Variants in SLC6A4 observed in about 807,000 individuals in gnomAD.
SLC6A4 encodes sodium-dependent serotonin transporter.
A neutral mutation model predicts 73.4 loss-of-function variants in SLC6A4; 22 were observed. The ratio of observed to expected loss-of-function variants is 0.30; its 90% confidence interval spans 0.21 to 0.43. The LOEUF (loss-of-function observed/expected upper bound fraction) is 0.43, where lower values mean the gene tolerates loss of function less well. Ranked by LOEUF, SLC6A4 falls within the 20% of genes least tolerant of loss-of-function variation. SLC6A4 has a pLI of 1.00. For synonymous variants in SLC6A4, 270 were observed against 315.5 expected (o/e 0.86, Z 1.53); for missense variants, 593 against 808.5 (o/e 0.73, Z 3.23).
chr17:30,217,799 C>T (rs1041765356), intron 5 of SLC6A4, among the ~76,000 whole-genome samples: 2 of 152,216 alleles, frequency 1.3e-5, no homozygotes, highest in African/African-American at 2.4e-5. Flanking sequence ...TAGGATGCTT[C>T]GCCTCCATGA....
At chr17:30,230,045 A>AAAGAAGAAG (rs1189804200) in intron 1 of SLC6A4, among the ~76,000 whole-genome samples, 7,184 of 111,024 alleles carry the variant, frequency 0.065, 367 homozygotes, top group East Asian at 0.13. Flanking sequence ...GAAAAAGAAG[A>AAAGAAGAAG]AAGAAGAAGA....
intron 3 of SLC6A4, among the ~76,000 whole-genome samples, 174 bp downstream of exon 3, chr17:30,221,442 A>AC (rs1906749743): frequency 7.2e-6 from 1 of 139,548 alleles, no homozygotes; most frequent in African/African-American, 2.6e-5. Context: ...GTCACAGCCC[A>AC]CCCGGGTCAC....
At chr17:30,207,889 G>C in intron 12 of SLC6A4, 57 bp from the exon 13 acceptor site, 1 of 1,263,468 alleles carries the variant, frequency 7.9e-7, no homozygotes, top group Non-Finnish European at 1.1e-6. Context: ...GGGCTGTGCT[G>C]CTGTGCCCTG....
At chr17:30,206,241 C>CAAAAAAAAAAAAAAA (rs5819882) in intron 13 of SLC6A4, 2 of 106,564 alleles carry the variant, frequency 1.9e-5, no homozygotes, top group Non-Finnish European at 4.0e-5. Context: ...CTCTAAAAGA[C>CAAAAAAAAAAAAAAA]AAAAAAAAAA....
Position 30,230,285 on chromosome 17 carries a change from G to A in SLC6A4, c.-221+5328C>T, listed in dbSNP as rs146010398. On this transcript the variant is annotated intron_variant, in intron 1 of 14. Coordinates refer to ENST00000650711, the MANE Select transcript of SLC6A4 (RefSeq NM_001045.6). Reference sequence around the variant, plus strand: ...AGTATATTTAAATGTGGACGAGGCTGGGAAAGAGACTTGAGAAACTCAAAA... The same window carrying A: ...AGTATATTTAAATGTGGACGAGGCTAGGAAAGAGACTTGAGAAACTCAAAA... Among the ~76,000 whole-genome samples, 15 of 152,320 alleles carry A rather than the reference G, an allele frequency of 9.8e-5. No homozygotes were observed. In the East Asian group the frequency reaches 2.9e-3, roughly 29 times the overall value.
chr17:30,208,238 A>G (rs1906269207), intron 12 of SLC6A4, among the ~76,000 whole-genome samples: 1 of 152,136 alleles, frequency 6.6e-6, no homozygotes, highest in Non-Finnish European at 1.5e-5. Flanking sequence ...ATCTGATTTC[A>G]TTGTTATTAT....
At chr17:30,218,695 A>C in intron 4 of SLC6A4, 102 bp downstream of exon 4, 3 of 1,254,220 alleles carry the variant, frequency 2.4e-6, no homozygotes, top group Non-Finnish European at 3.4e-6. Context: ...GGGATGCCTA[A>C]GGCCTGACTG....
chr17:30,220,326 T>C (rs925568604), intron 3 of SLC6A4, among the ~76,000 whole-genome samples: 7 of 152,172 alleles, frequency 4.6e-5, no homozygotes, highest in Non-Finnish European at 7.3e-5. Flanking sequence ...CTTGTGCTGA[T>C]AACAAGTCCA....
At chr17:30,203,431 CTAAGA>C in intron 13 of SLC6A4, 92 bp from the exon 14 acceptor site, 1 of 1,085,290 alleles carries the variant, frequency 9.2e-7, no homozygotes, top group Non-Finnish European at 1.4e-6. Context: ...AATGCTAAAG[CTAAGA>C]TACTTTCAGG....
At chr17:30,219,102 T>TC (rs1906671265) in intron 3 of SLC6A4, among the ~76,000 whole-genome samples, 171 bp from the exon 4 acceptor site, 2 of 152,194 alleles carry the variant, frequency 1.3e-5, no homozygotes, top group South Asian at 4.2e-4. Flanking sequence ...CTAGAAGCAG[T>TC]CGTAGGGGGA....
rs1905794322 is a variant in SLC6A4 at position 30,194,567 on chromosome 17, C to G, written c.*3889G>C. 1 of 152,036 alleles carries G rather than the reference C, an allele frequency of 6.6e-6. No homozygotes were observed. The allele number at this position is 152,036 out of a possible 1,614,324, so 9.4% of individuals were successfully genotyped here. Reference sequence around the variant, plus strand: ...GCCATTCACAAAATAACTGTAAATTCCCCAATTTTATCTTTTAAAATATGA... The same window carrying G: ...GCCATTCACAAAATAACTGTAAATTGCCCAATTTTATCTTTTAAAATATGA... On this transcript the variant is annotated 3_prime_UTR_variant, in exon 15 of 15. Coordinates refer to ENST00000650711, the MANE Select transcript of SLC6A4 (RefSeq NM_001045.6).
In SLC6A4 at chr17:30,218,141, C is replaced by T. The variant is rs754873059; in HGVS notation, c.675G>A (p.Thr225=). 38 of 1,614,038 alleles carry T rather than the reference C, an allele frequency of 2.4e-5. No individual in the cohort carries two copies. The highest frequency in any genetic ancestry group is 1.1e-4 in the East Asian group (5 of 44,894). The change falls in exon 5 of 15, where the codon ACG becomes ACA. Residue 225 remains threonine (T), a synonymous_variant. Transcript: ENST00000650711. ...ACGTGTAAAATTCTTCAGCAGGGGACGTGGAATGGAGGGTCCAGGTGATGT... is the reference window on the plus strand; with the variant it reads ...ACGTGTAAAATTCTTCAGCAGGGGATGTGGAATGGAGGGTCCAGGTGATGT... The part of the protein sequence containing the change: ...EDNITWTLHS[T]SPAEEFYTRH...
At chr17:30,221,130 C>T (rs1347540016) in intron 3 of SLC6A4, among the ~76,000 whole-genome samples, 2 of 151,894 alleles carry the variant, frequency 1.3e-5, no homozygotes, top group Admixed American at 6.6e-5. Context: ...GCGCCCACCA[C>T]CATACCCAGC....
chr17:30,207,787 C>A lies in SLC6A4; in HGVS notation c.1595G>T (p.Ser532Ile), dbSNP rs781657921. 2 of 1,614,118 alleles carry A rather than the reference C, an allele frequency of 1.2e-6. No homozygotes were observed. Among genetic ancestry groups the A allele is most frequent in the Non-Finnish European group, 1.7e-6 (2 of 1,180,008 alleles). The change falls in exon 13 of 15, where the codon AGC becomes ATC. Residue 532 changes from serine (S) to isoleucine (I), a missense_variant. Transcript: ENST00000650711. ...GCAGATCCTCCAGAACCACCCCGGGCTGAAGCCGAGCATTTCCTTCACGTC... is the reference window on the plus strand; with the variant it reads ...GCAGATCCTCCAGAACCACCCCGGGATGAAGCCGAGCATTTCCTTCACGTC... Reference protein sequence around the residue: ...CRDVKEMLGFSPGWFWRICWV... With the variant: ...CRDVKEMLGFIPGWFWRICWV...
intron 11 of SLC6A4, 122 bp from the exon 12 acceptor site, chr17:30,209,364 G>A (rs2143014117): frequency 4.7e-6 from 3 of 634,028 alleles, no homozygotes; most frequent in Non-Finnish European, 8.2e-6. Context: ...GGGACCGAAC[G>A]TGAGTACCCC....
At chr17:30,233,973 A>G (rs1567825349) in intron 1 of SLC6A4, among the ~76,000 whole-genome samples, 1 of 152,052 alleles carries the variant, frequency 6.6e-6, no homozygotes, top group Non-Finnish European at 1.5e-5. Context: ...TTGGGAAGCA[A>G]GCACCTGCTG....
chr17:30,227,661 A>AT (rs1369596628), intron 1 of SLC6A4, among the ~76,000 whole-genome samples: 3 of 151,656 alleles, frequency 2.0e-5, no homozygotes, highest in African/African-American at 7.3e-5. Flanking sequence ...AATTTTTTGT[A>AT]TTTTTTTCAG....
chr17:30,211,387 T>TA lies in SLC6A4; in HGVS notation c.1241dup (p.Ala415SerfsTer39). The stretch of plus-strand genomic sequence containing the variant: ...AGAAAGTGGACGCTGGCATGTTGGC[T>TA]ATCGCTTCTGCATACGTGATGAAGA... On this transcript the variant is annotated frameshift_variant, in exon 10 of 15. Coordinates refer to ENST00000650711, the MANE Select transcript of SLC6A4 (RefSeq NM_001045.6). LOFTEE classifies it high-confidence loss of function. This position sits in a 1 kb window ranked among gnomAD's most constrained non-coding sequence, Gnocchi z 4.0. 6.2e-7 allele frequency: 1 copy of TA among 1,613,770 alleles called. No homozygotes were observed. The highest frequency in any genetic ancestry group is 8.5e-7 in the Non-Finnish European group (1 of 1,179,752).
intron 11 of SLC6A4, 70 bp downstream of exon 11, chr17:30,210,445 C>G: frequency 6.6e-7 from 1 of 1,520,938 alleles, no homozygotes; most frequent in East Asian, 2.3e-5. Flanking sequence ...TGGAAGGAGA[C>G]GAACAGCTTC....
Sources: gnomAD v4.1 joint callset for allele counts (sites outside exome capture counted in the v4.1 genomes callset) on GRCh38, gnomAD v4.1.1 for gene constraint, Gnocchi (gnomAD v3.1) non-coding constraint, MANE v1.5 for transcripts, NCBI Gene and HGNC (gene_info 2026-07-23, HGNC 2026-07-21) for gene names.